Variants in GRIK1 observed in about 807,000 individuals in gnomAD.
The protein encoded by GRIK1 is glutamate receptor ionotropic, kainate 1.
In GRIK1, 69 loss-of-function variants were observed where a neutral mutation model predicts 105.7. The observed-to-expected ratio is 0.65, with a 90% CI of 0.54 to 0.80. GRIK1 has a LOEUF of 0.80. GRIK1 is among the 30% of genes least tolerant of loss of function. The pLI, the probability that GRIK1 is intolerant of heterozygous loss-of-function variation, is 0.00. For missense variants in GRIK1, 1,109 were observed against 1,167.3 expected (o/e 0.95, Z 0.73); for synonymous variants, 438 against 431.3 (o/e 1.02, Z -0.19).
intron 1 of GRIK1, among the ~76,000 whole-genome samples, chr21:29,781,703 G>T (rs1245048733): frequency 1.6e-5 from 1 of 63,626 alleles, no homozygotes; most frequent in African/African-American, 4.0e-5. Context: ...TCGCTCTGTC[G>T]CCCAGGCCGG....
At chr21:29,881,955 G>A (rs922146436) in intron 1 of GRIK1, among the ~76,000 whole-genome samples, 7 of 152,028 alleles carry the variant, frequency 4.6e-5, no homozygotes, top group South Asian at 2.1e-4. Context: ...CACTATGCTC[G>A]GAGGCAGGAA....
At chr21:29,594,211 G>A (rs2061370832) in intron 9 of GRIK1, among the ~76,000 whole-genome samples, 1 of 152,050 alleles carries the variant, frequency 6.6e-6, no homozygotes, top group Non-Finnish European at 1.5e-5. Context: ...GTGTGTATGT[G>A]CACGCATGTG....
At chr21:29,928,965 T>C (rs756243286) in intron 1 of GRIK1, among the ~76,000 whole-genome samples, 1 of 152,224 alleles carries the variant, frequency 6.6e-6, no homozygotes, top group Non-Finnish European at 1.5e-5. Context: ...CACTTTGATG[T>C]GTGCCAGTTA....
chr21:29,587,486 C>T lies in GRIK1; in HGVS notation c.1673G>A (p.Arg558Gln), dbSNP rs776162409. The T allele has an allele frequency of 4.2e-5, 68 of 1,612,612 alleles. No individual in the cohort carries two copies. In the Admixed American group the frequency reaches 5.7e-4, roughly 13 times the overall value. The change falls in exon 12 of 18, where the codon CGG (arginine) becomes CAG (glutamine). Residue 558 changes from arginine (R) to glutamine (Q), a missense_variant. This residue lies in a region of GRIK1 where 264 missense variants were observed against 306.9 expected (regional missense o/e 0.86). Coordinates refer to ENST00000327783, the MANE Select transcript of GRIK1 (RefSeq NM_001330994.2). ...GCCTGGATTGGTACCATTGGGCTTC[C>T]GGTAGAGAATGCTGATGCCTAGGGT... ...FMTLGISILY[R>Q]KPNGTNPGVF...
At chr21:29,926,413 C>T (rs1458169318) in intron 1 of GRIK1, among the ~76,000 whole-genome samples, 1 of 152,098 alleles carries the variant, frequency 6.6e-6, no homozygotes, top group African/African-American at 2.4e-5. Context: ...AGATTTTTAA[C>T]ACCTTTCAAA....
intron 5 of GRIK1, among the ~76,000 whole-genome samples, chr21:29,652,338 G>GA (rs1269413792): frequency 6.6e-6 from 1 of 151,656 alleles, no homozygotes; most frequent in Admixed American, 6.6e-5. Context: ...ACTCCTGGCC[G>GA]AAAAAAAATC....
At chr21:29,611,192 GT>G (rs1316786211) in intron 7 of GRIK1, among the ~76,000 whole-genome samples, 2 of 152,094 alleles carry the variant, frequency 1.3e-5, no homozygotes, top group Non-Finnish European at 2.9e-5. Flanking sequence ...ACTTTTGTTT[GT>G]TTTACTATTT....
At chr21:29,698,570 T>C (rs899942917) in intron 1 of GRIK1, among the ~76,000 whole-genome samples, 20 of 152,204 alleles carry the variant, frequency 1.3e-4, no homozygotes, top group African/African-American at 4.6e-4. Flanking sequence ...ATTGCTCGTG[T>C]GTACCTGAAG....
At chr21:29,764,655 G>A (rs958434105) in intron 1 of GRIK1, among the ~76,000 whole-genome samples, 7 of 152,172 alleles carry the variant, frequency 4.6e-5, no homozygotes, top group Non-Finnish European at 5.9e-5. Context: ...AATCAATGCT[G>A]ATGGCTATAT....
At chr21:29,838,934 T>C (rs1051510136) in intron 1 of GRIK1, among the ~76,000 whole-genome samples, 5 of 152,228 alleles carry the variant, frequency 3.3e-5, no homozygotes, top group Admixed American at 6.5e-5. Context: ...CTTTTCACTA[T>C]TTGGTGGACA....
At chr21:29,772,881 C>T (rs2065847997) in intron 1 of GRIK1, among the ~76,000 whole-genome samples, 1 of 152,090 alleles carries the variant, frequency 6.6e-6, no homozygotes, top group South Asian at 2.1e-4. Flanking sequence ...AACTTTGTTA[C>T]TATGTATTTC....
At chr21:29,936,185 G>A (rs2071747419) in intron 1 of GRIK1, among the ~76,000 whole-genome samples, 1 of 152,122 alleles carries the variant, frequency 6.6e-6, no homozygotes, top group South Asian at 2.1e-4. Context: ...GGAAAGCCTG[G>A]CTGCCCACTG....
intron 1 of GRIK1, among the ~76,000 whole-genome samples, chr21:29,874,056 G>A (rs1888559847): frequency 6.6e-6 from 1 of 152,166 alleles, no homozygotes; most frequent in African/African-American, 2.4e-5. Flanking sequence ...TGGAGCTCAG[G>A]CGATACTGCG....
chr21:29,607,044 G>A (rs139589430), intron 7 of GRIK1, among the ~76,000 whole-genome samples: 1 of 152,288 alleles, frequency 6.6e-6, no homozygotes, highest in African/African-American at 2.4e-5. Flanking sequence ...TGCTAGGCAA[G>A]TCTCATGAAC....
chr21:29,591,990 G>A (rs148312053), intron 9 of GRIK1, among the ~76,000 whole-genome samples: 3 of 152,318 alleles, frequency 2.0e-5, no homozygotes, highest in Non-Finnish European at 4.4e-5. Context: ...AGTCAAGATT[G>A]CAGTGAGCCG....
chr21:29,771,113 C>T (rs1461714008), intron 1 of GRIK1, among the ~76,000 whole-genome samples: 1 of 152,202 alleles, frequency 6.6e-6, no homozygotes, highest in Non-Finnish European at 1.5e-5. Context: ...ATCATGCCAA[C>T]AGTTTTTAAA....
At chr21:29,560,400 C>CCTTTCTTTCTTTCTTTCTTTCTTTCTTT (rs1167564962) in intron 15 of GRIK1, among the ~76,000 whole-genome samples, 3 of 67,122 alleles carry the variant, frequency 4.5e-5, no homozygotes, top group East Asian at 4.3e-4. Flanking sequence ...TTCCTTCCTT[C>CCTTTCTTTCTTTCTTTCTTTCTTTCTTT]CTTTCTTTCT....
chr21:29,543,597 G>A (rs908696690), intron 16 of GRIK1, among the ~76,000 whole-genome samples: 2 of 151,954 alleles, frequency 1.3e-5, no homozygotes, highest in African/African-American at 4.8e-5. Flanking sequence ...ACCCATCCTT[G>A]GAATTTAAAA....
At chr21:29,927,455 T>G (rs1269587431) in intron 1 of GRIK1, among the ~76,000 whole-genome samples, 3 of 150,330 alleles carry the variant, frequency 2.0e-5, no homozygotes, top group African/African-American at 7.3e-5. Context: ...GTGTGTATAA[T>G]ATATGCAATA....
Sources: allele counts gnomAD v4.1 joint callset (sites outside exome capture counted in the v4.1 genomes callset), GRCh38; gene constraint gnomAD v4.1.1; regional missense constraint gnomAD v4.1.1; transcripts MANE v1.5; gene names NCBI Gene and HGNC (gene_info 2026-07-23, HGNC 2026-07-21).